Variants in EXOC6 observed in about 807,000 individuals in gnomAD.
EXOC6 encodes SEC15-like 1.
Under a neutral mutation model 112.5 loss-of-function variants are expected in EXOC6, and 60 were observed. The observed-to-expected ratio is 0.53, with a 90% CI of 0.43 to 0.66. The LOEUF (loss-of-function observed/expected upper bound fraction) is 0.66, where lower values mean the gene tolerates loss of function less well. Ranked by LOEUF, EXOC6 falls within the 30% of genes least tolerant of loss-of-function variation. The pLI is 0.00. For synonymous variants in EXOC6, 295 were observed against 308.0 expected (o/e 0.96, Z 0.44); for missense variants, 855 against 957.1 (o/e 0.89, Z 1.41).
chr10:92,979,435 T>G (rs1352249991), intron 18 of EXOC6, among the ~76,000 whole-genome samples: 1 of 152,204 alleles, frequency 6.6e-6, no homozygotes, highest in Non-Finnish European at 1.5e-5. Context: ...TCCAGTGAGA[T>G]TTTGTTCTCT....
At chr10:92,951,481 G>C (rs1853409117) in intron 14 of EXOC6, among the ~76,000 whole-genome samples, 1 of 152,138 alleles carries the variant, frequency 6.6e-6, no homozygotes, top group South Asian at 2.1e-4. Context: ...TTTCAAAAAA[G>C]TCAGGTAACA....
chr10:92,985,497 A>G (rs1303192617), intron 18 of EXOC6, among the ~76,000 whole-genome samples: 1 of 152,016 alleles, frequency 6.6e-6, no homozygotes. Flanking sequence ...TTGAAGTTCT[A>G]TACTTTTTAT....
At chr10:92,984,538 T>C (rs549811315) in intron 18 of EXOC6, among the ~76,000 whole-genome samples, 22 of 152,238 alleles carry the variant, frequency 1.4e-4, no homozygotes, top group Middle Eastern at 3.4e-3. Flanking sequence ...TTGTTTTGTT[T>C]TGTTGTTGTT....
At chr10:92,916,175 G>A (rs1851072910) in intron 7 of EXOC6, 1 of 288,776 alleles carries the variant, frequency 3.5e-6, no homozygotes, top group African/African-American at 2.3e-5. Flanking sequence ...TACTGCATCA[G>A]CCCTACAAGG....
At chr10:92,905,534 A>G (rs1850393173) in intron 5 of EXOC6, among the ~76,000 whole-genome samples, 1 of 151,926 alleles carries the variant, frequency 6.6e-6, no homozygotes, top group Non-Finnish European at 1.5e-5. Flanking sequence ...ACCTGCAAAG[A>G]CTTCTGTTTC....
chr10:92,936,686 A>G (rs1374552049), intron 12 of EXOC6, among the ~76,000 whole-genome samples: 2 of 152,236 alleles, frequency 1.3e-5, no homozygotes, highest in South Asian at 2.1e-4. Context: ...ATTAAAAGCA[A>G]TATCACCGGC....
intron 12 of EXOC6, among the ~76,000 whole-genome samples, chr10:92,936,145 G>A (rs78676435): frequency 0.022 from 3,336 of 152,014 alleles, 56 homozygotes; most frequent in African/African-American, 0.041. Flanking sequence ...TTTTATAGTT[G>A]AAAAAAAGAA....
At chr10:92,896,184 T>A (rs1363717211) in intron 4 of EXOC6, among the ~76,000 whole-genome samples, 1 of 4,252 alleles carries the variant, frequency 2.4e-4, no homozygotes, top group African/African-American at 2.0e-3. Flanking sequence ...TATATATATT[T>A]TTTTTTTTTT....
At chr10:93,008,789 A>G (rs570972971) in intron 19 of EXOC6, among the ~76,000 whole-genome samples, 13 of 152,276 alleles carry the variant, frequency 8.5e-5, no homozygotes, top group Non-Finnish European at 1.9e-4. Context: ...GTTTAGTGGA[A>G]GAGCTCATGA....
rs1852084713 is a variant in EXOC6, at chr10:92,932,282, AG to A, written c.973-1859del. ...GACAGAATGGGATCAGTGGTGGCCA[AG>A]GGCTATGGGTTCGGCAGGATAATTC... On this transcript the variant is annotated intron_variant, in intron 9 of 21. Coordinates refer to ENST00000260762, the MANE Select transcript of EXOC6 (RefSeq NM_019053.6). 2.6e-5 allele frequency among the ~76,000 whole-genome samples: 4 copies of A among 152,282 alleles called. 1 individual carries two copies. In the South Asian group the frequency reaches 8.3e-4, roughly 32 times the overall value.
chr10:92,859,820 C>CAT (rs1847814520), intron 1 of EXOC6, among the ~76,000 whole-genome samples: 1 of 103,412 alleles, frequency 9.7e-6, no homozygotes, highest in African/African-American at 3.7e-5. Context: ...CGTTTGTGTG[C>CAT]ATGTGTGTGT....
chr10:92,933,446 A>G (rs1589858324), intron 9 of EXOC6, among the ~76,000 whole-genome samples: 1 of 152,274 alleles, frequency 6.6e-6, no homozygotes, highest in Non-Finnish European at 1.5e-5. Context: ...AATATCAAGC[A>G]TTTGGTGACA....
upstream of EXOC6, chr10:92,848,508 C>A: frequency 2.2e-6 from 3 of 1,333,618 alleles, no homozygotes; most frequent in African/African-American, 1.6e-5. Context: ...CGCCGCGCCT[C>A]GCTGGCTCCT....
intron 20 of EXOC6, among the ~76,000 whole-genome samples, chr10:93,038,870 A>G (rs980148596): frequency 6.6e-6 from 1 of 152,250 alleles, no homozygotes; most frequent in South Asian, 2.1e-4. Flanking sequence ...AAGTAAGTAT[A>G]TGTACACACT....
At chr10:92,997,684 AT>A in intron 19 of EXOC6, 69 bp downstream of exon 19, 1 of 1,379,550 alleles carries the variant, frequency 7.2e-7, no homozygotes, top group Non-Finnish European at 9.7e-7. Context: ...GAAAAAATGT[AT>A]TTAGCAGGAT....
chr10:92,899,655 T>G lies in EXOC6; in HGVS notation c.458+11T>G. The G allele has an allele frequency of 6.2e-7, 1 of 1,600,568 alleles. No individual in the cohort carries two copies. On this transcript the variant is annotated intron_variant, in intron 5 of 21. Coordinates refer to ENST00000260762, the MANE Select transcript of EXOC6 (RefSeq NM_019053.6). ...GATGAGTGCCAAAAGGTGAGTTGGT[T>G]TTTTTCCTATTGTTTTAAATAAGAA...
At chr10:92,868,388 T>C (rs1258663690) in intron 1 of EXOC6, among the ~76,000 whole-genome samples, 1 of 152,144 alleles carries the variant, frequency 6.6e-6, no homozygotes, top group African/African-American at 2.4e-5. Context: ...AGTGATACTG[T>C]ATGTGGGTTT....
chr10:92,844,449 G>A (rs1163461212), upstream of EXOC6, among the ~76,000 whole-genome samples: 1 of 152,158 alleles, frequency 6.6e-6, no homozygotes, highest in Non-Finnish European at 1.5e-5. Context: ...GATCCAGAGG[G>A]TTCACTAAAA....
intron 1 of EXOC6, among the ~76,000 whole-genome samples, chr10:92,876,555 T>C (rs972341099): frequency 6.6e-6 from 1 of 152,132 alleles, no homozygotes; most frequent in African/African-American, 2.4e-5. Context: ...AGCTGCAGTG[T>C]CAAAAGATTA....
Sources: allele counts gnomAD v4.1 joint callset (sites outside exome capture counted in the v4.1 genomes callset), GRCh38; gene constraint gnomAD v4.1.1; transcripts MANE v1.5; gene names NCBI Gene and HGNC (gene_info 2026-07-23, HGNC 2026-07-21).